SESN1: variants seen among roughly 807,000 people sequenced by gnomAD.
SESN1 encodes the protein sestrin 1.
Under a neutral mutation model 59.3 loss-of-function variants are expected in SESN1, and 30 were observed. The ratio of observed to expected loss-of-function variants is 0.51; its 90% CI spans 0.38 to 0.69. The LOEUF (loss-of-function observed/expected upper bound fraction) is 0.69. Ranked by LOEUF, SESN1 falls within the 30% of genes least tolerant of loss-of-function variation. SESN1 has a pLI of 0.00. For missense variants in SESN1, 566 were observed against 673.0 expected (o/e 0.84, Z 1.76); for synonymous variants, 197 against 219.9 (o/e 0.90, Z 0.92).
intron 1 of SESN1, among the ~76,000 whole-genome samples, chr6:109,032,766 C>T (rs1780202691): frequency 6.6e-6 from 1 of 152,034 alleles, no homozygotes; most frequent in Non-Finnish European, 1.5e-5. Flanking sequence ...TACCCAAGCC[C>T]CTTAATGAAG....
chr6:109,023,936 T>C (rs1298355293), intron 1 of SESN1, among the ~76,000 whole-genome samples: 3 of 152,200 alleles, frequency 2.0e-5, no homozygotes, highest in Non-Finnish European at 4.4e-5. Context: ...ACTCAAAGAA[T>C]GAGTGATTTT....
intron 1 of SESN1, among the ~76,000 whole-genome samples, chr6:109,048,734 C>A (rs1452696000): frequency 6.6e-6 from 1 of 152,072 alleles, no homozygotes; most frequent in African/African-American, 2.4e-5. Context: ...CATTACTTAC[C>A]AGTTAAATTA....
chr6:109,016,454 T>C (rs1361628191), intron 1 of SESN1, among the ~76,000 whole-genome samples: 2 of 152,194 alleles, frequency 1.3e-5, no homozygotes, highest in Non-Finnish European at 2.9e-5. Context: ...TTCTGCCTTC[T>C]TCAGAGGTCT....
At chr6:109,053,448 G>C (rs1780576466) in intron 1 of SESN1, among the ~76,000 whole-genome samples, 1 of 152,182 alleles carries the variant, frequency 6.6e-6, no homozygotes, top group South Asian at 2.1e-4. Context: ...CATGGTGTGG[G>C]GGAGGGGAAG....
At chr6:109,038,233 C>A (rs763063584) in intron 1 of SESN1, among the ~76,000 whole-genome samples, 18 of 152,226 alleles carry the variant, frequency 1.2e-4, no homozygotes, top group Admixed American at 2.6e-4. Context: ...TGGCTCACGC[C>A]TATAATCCCA....
At chr6:109,062,460 G>A (rs1417921325) in intron 1 of SESN1, among the ~76,000 whole-genome samples, 5 of 152,158 alleles carry the variant, frequency 3.3e-5, no homozygotes, top group Admixed American at 3.3e-4. Context: ...ATTCAATTTG[G>A]CTTACTCCTG....
intron 1 of SESN1, among the ~76,000 whole-genome samples, chr6:109,060,869 A>T (rs535756262): frequency 6.6e-6 from 1 of 152,312 alleles, no homozygotes; most frequent in Admixed American, 6.5e-5. Context: ...TCTGTGTTAA[A>T]TTTATGCCAG....
At chr6:109,058,840 T>C (rs185495256) in intron 1 of SESN1, among the ~76,000 whole-genome samples, 61 of 151,672 alleles carry the variant, frequency 4.0e-4, no homozygotes, top group African/African-American at 1.4e-3. Flanking sequence ...TGTCAGCAAT[T>C]CTTGGCAAAT....
chr6:109,066,376 G>C (rs1780826448), intron 1 of SESN1, among the ~76,000 whole-genome samples: 1 of 151,634 alleles, frequency 6.6e-6, no homozygotes, highest in South Asian at 2.1e-4. Context: ...TAGGGGAAGA[G>C]GGTTATTATT....
chr6:109,049,133 C>CA lies in SESN1; in HGVS notation c.279+44661dup, dbSNP rs200332983. 1.9e-3 allele frequency among the ~76,000 whole-genome samples: 283 copies of CA among 150,918 alleles called. 2 individuals carry two copies. The highest frequency in any genetic ancestry group is 6.6e-3 in the African/African-American group (271 of 41,154). ...ACATAAAAGTAGGAAAAGTTGGTATCAAAAAAAAGAGGATGAATGGATTTT... is the reference window on the plus strand; with the variant it reads ...ACATAAAAGTAGGAAAAGTTGGTATCAAAAAAAAAGAGGATGAATGGATTTT... On this transcript the variant is annotated intron_variant, in intron 1 of 9. Coordinates refer to ENST00000436639, the MANE Select transcript of SESN1 (RefSeq NM_014454.3).
At chr6:108,995,619 T>C (rs1779487140) in intron 5 of SESN1, among the ~76,000 whole-genome samples, 1 of 152,150 alleles carries the variant, frequency 6.6e-6, no homozygotes, top group Non-Finnish European at 1.5e-5. Context: ...ATAAAATGAA[T>C]ATATTAAGAA....
intron 1 of SESN1, among the ~76,000 whole-genome samples, chr6:109,032,018 T>A (rs1321594747): frequency 2.6e-5 from 4 of 152,198 alleles, no homozygotes; most frequent in African/African-American, 9.6e-5. Flanking sequence ...AATTTCGTGT[T>A]AAGTACTTAT....
At chr6:109,049,679 A>T (rs145490875) in intron 1 of SESN1, among the ~76,000 whole-genome samples, 1 of 150,912 alleles carries the variant, frequency 6.6e-6, no homozygotes, top group Non-Finnish European at 1.5e-5. Context: ...ATAAAAAATA[A>T]AAAGGAGAGG....
intron 1 of SESN1, among the ~76,000 whole-genome samples, chr6:109,088,635 G>A (rs1179429921): frequency 6.6e-6 from 1 of 152,122 alleles, no homozygotes; most frequent in South Asian, 2.1e-4. Flanking sequence ...ATGACCAAAT[G>A]ACCATTCTTG....
intron 1 of SESN1, among the ~76,000 whole-genome samples, chr6:109,072,316 A>G (rs1780952875): frequency 6.6e-6 from 1 of 152,218 alleles, no homozygotes; most frequent in African/African-American, 2.4e-5. Context: ...TGAATTAGCC[A>G]TAAATATTTT....
At chr6:108,998,449 G>T (rs1283908134) in intron 5 of SESN1, 64 bp downstream of exon 5, 3 of 1,584,088 alleles carry the variant, frequency 1.9e-6, no homozygotes, top group Non-Finnish European at 2.6e-6. Context: ...GCCAACTGAA[G>T]AAATAATATA....
At chr6:109,038,825 A>T (rs1192034158) in intron 1 of SESN1, among the ~76,000 whole-genome samples, 1 of 151,914 alleles carries the variant, frequency 6.6e-6, no homozygotes, top group African/African-American at 2.4e-5. Context: ...TCTGACGGCA[A>T]TTGGGGCAGA....
rs930318022 is a variant in SESN1 at position 109,000,655 on chromosome 6, A to G, written c.565T>C (p.Cys189Arg). The G allele has an allele frequency of 6.3e-7, 1 of 1,597,784 alleles. No homozygotes were observed. The highest frequency in any genetic ancestry group is 1.3e-5 in the African/African-American group (1 of 74,476). The change falls in exon 4 of 10, where the codon TGC becomes CGC. Residue 189 changes from cysteine to arginine, a missense_variant. Coordinates refer to ENST00000436639, the MANE Select transcript of SESN1 (RefSeq NM_014454.3). ...ACATGCAGGTTCACTAAGTAGGAGC[A>G]CTGATGTCTTGCCGCAGCCTTAAAA... is the stretch of plus-strand genomic sequence containing the variant. ...IGIMAAARHQ[C>R]SYLVNLHVND...
intron 1 of SESN1, among the ~76,000 whole-genome samples, chr6:109,018,287 A>G (rs1374742549): frequency 6.6e-6 from 1 of 152,258 alleles, no homozygotes; most frequent in Non-Finnish European, 1.5e-5. Flanking sequence ...GTTACCAGTA[A>G]TAATTCAGTT....
Sources: allele counts gnomAD v4.1 joint callset (sites outside exome capture counted in the v4.1 genomes callset), GRCh38; gene constraint gnomAD v4.1.1; transcripts MANE v1.5; gene names NCBI Gene and HGNC (gene_info 2026-07-23, HGNC 2026-07-21).